The following CDH12 variants were observed in gnomAD, a reference collection of about 807,000 sequenced individuals.
CDH12 encodes cadherin 12.
In CDH12, 41 loss-of-function variants were observed where a neutral mutation model predicts 74.1. The ratio of observed to expected loss-of-function variants is 0.55; its 90% CI spans 0.43 to 0.72. The LOEUF is 0.72. CDH12 is among the 30% of genes least tolerant of loss of function. The probability of loss-of-function intolerance (pLI) is 0.00; values close to 1 mark genes in which losing one functional copy is unlikely to be tolerated. For synonymous variants in CDH12, 399 were observed against 355.0 expected, an observed-to-expected ratio of 1.12 and a Z score of -1.39; for missense variants, 945 against 977.2, an observed-to-expected ratio of 0.97 and a Z score of 0.44.
At chr5:22,529,752 G>A (rs1737503284) in intron 1 of CDH12, among the ~76,000 whole-genome samples, 2 of 152,154 alleles carry the variant, frequency 1.3e-5, no homozygotes, top group Non-Finnish European at 2.9e-5. Context: ...AGGCATTAGA[G>A]ACATTGGCTA....
chr5:22,042,640 C>A (rs1739648760), intron 5 of CDH12, among the ~76,000 whole-genome samples: 1 of 152,048 alleles, frequency 6.6e-6, no homozygotes, highest in Non-Finnish European at 1.5e-5. Context: ...AATTACAGCA[C>A]ATTGGGAGGC....
chr5:21,851,996 G>A (rs1750491278), intron 7 of CDH12, among the ~76,000 whole-genome samples: 1 of 151,282 alleles, frequency 6.6e-6, no homozygotes, highest in African/African-American at 2.4e-5. Flanking sequence ...GATAATATTA[G>A]TTTTTCATGC....
intron 4 of CDH12, among the ~76,000 whole-genome samples, chr5:22,204,528 T>C (rs1258064250): frequency 2.0e-5 from 3 of 152,220 alleles, no homozygotes; most frequent in African/African-American, 2.4e-5. Context: ...AAAAATACAA[T>C]GTAAAATTCA....
At chr5:21,921,303 T>C (rs1237615352) in intron 6 of CDH12, among the ~76,000 whole-genome samples, 1 of 152,194 alleles carries the variant, frequency 6.6e-6, no homozygotes, top group Non-Finnish European at 1.5e-5. Context: ...CTTATCTATA[T>C]ACTTGTCATA....
At chr5:21,956,238 A>C (rs1201068154) in intron 6 of CDH12, among the ~76,000 whole-genome samples, 2 of 151,836 alleles carry the variant, frequency 1.3e-5, no homozygotes, top group African/African-American at 4.8e-5. Context: ...GGTCAGTAGA[A>C]TTTTTTTTCA....
rs145604996 is a variant in CDH12 at position 22,301,450 on chromosome 5, A to T, written c.-332-88807T>A. ...AAAATGACTAAAGCACCACATGAGT[A>T]AAGTGTCATTTTTGAATCATCAGAA... On this transcript the variant is annotated intron_variant, in intron 3 of 14. Coordinates refer to ENST00000382254, the MANE Select transcript of CDH12 (RefSeq NM_004061.5). Among the ~76,000 whole-genome samples, 1,191 of 152,300 alleles carry T rather than the reference A, an allele frequency of 7.8e-3. 18 individuals carry two copies. The highest frequency in any genetic ancestry group is 0.027 in the African/African-American group (1,136 of 41,562).
chr5:21,991,742 C>T (rs537163890), intron 5 of CDH12, among the ~76,000 whole-genome samples: 1 of 151,250 alleles, frequency 6.6e-6, no homozygotes, highest in Non-Finnish European at 1.5e-5. Flanking sequence ...TCTTTTATTT[C>T]CTTTCCTCAT....
chr5:21,890,926 T>C lies in CDH12; in HGVS notation c.527-36136A>G, dbSNP rs544086400. Among the ~76,000 whole-genome samples, 8 of 152,182 alleles carry C rather than the reference T, an allele frequency of 5.3e-5. No individual in the cohort carries two copies. In the South Asian group the frequency reaches 1.0e-3, roughly 20 times the overall value. ...GAAGCAAGCTGAAAGGGAGAAAAAT[T>C]GGATTTTCTACAACTGGCATACAGG... On this transcript the variant is annotated intron_variant, in intron 6 of 14. Transcript: ENST00000382254.
chr5:22,283,846 T>C (rs1443163402), intron 3 of CDH12, among the ~76,000 whole-genome samples: 1 of 152,154 alleles, frequency 6.6e-6, no homozygotes, highest in Non-Finnish European at 1.5e-5. Context: ...TCACAATGTA[T>C]GTGTATATTA....
chr5:22,792,357 G>A (rs1747959732), intron 1 of CDH12, among the ~76,000 whole-genome samples: 1 of 152,112 alleles, frequency 6.6e-6, no homozygotes, highest in South Asian at 2.1e-4. Context: ...CCAAAGTGCT[G>A]GGACTGCAGG....
At chr5:22,535,188 G>T (rs1580742630) in intron 1 of CDH12, among the ~76,000 whole-genome samples, 1 of 99,322 alleles carries the variant, frequency 1.0e-5, no homozygotes, top group South Asian at 3.6e-4. Flanking sequence ...ACGGGGTCTT[G>T]CTGTCGCCCA....
At chr5:22,482,308 C>A (rs1746414323) in intron 2 of CDH12, among the ~76,000 whole-genome samples, 2 of 152,224 alleles carry the variant, frequency 1.3e-5, no homozygotes, top group African/African-American at 4.8e-5. Flanking sequence ...GCCACACAAT[C>A]AGGTCTATAA....
intron 1 of CDH12, among the ~76,000 whole-genome samples, chr5:22,548,635 G>A (rs995243435): frequency 1.3e-5 from 2 of 152,000 alleles, no homozygotes; most frequent in Admixed American, 6.6e-5. Context: ...GGGAGTCTCC[G>A]TGAGAATCGG....
chr5:22,047,446 T>A (rs1580166435), intron 5 of CDH12, among the ~76,000 whole-genome samples: 2 of 152,140 alleles, frequency 1.3e-5, no homozygotes, highest in African/African-American at 4.8e-5. Context: ...GAATTTAAAT[T>A]ATAAGCTCAT....
At chr5:21,772,482 A>C (rs757526975) in intron 11 of CDH12, among the ~76,000 whole-genome samples, 3 of 152,138 alleles carry the variant, frequency 2.0e-5, no homozygotes, top group Non-Finnish European at 4.4e-5. Context: ...ATTTCTGCCA[A>C]CGAAAATATC....
At chr5:22,461,703 C>T (rs552850531) in intron 2 of CDH12, among the ~76,000 whole-genome samples, 264 of 151,816 alleles carry the variant, frequency 1.7e-3, no homozygotes, top group African/African-American at 6.2e-3. Context: ...ACTTCATTTA[C>T]TTTGCCTCCA....
In CDH12 at chr5:21,975,116, A is replaced by G. The variant is rs1258598799; in HGVS notation, c.501T>C (p.Ala167=). 2 of 1,596,502 alleles carry G rather than the reference A, an allele frequency of 1.3e-6. No individual in the cohort carries two copies. Among genetic ancestry groups the G allele is most frequent in the East Asian group, 2.2e-5 (1 of 44,870 alleles). ...EPKFLDGPYV[A]TVPEMSPVGA... ...CCACAGGAGACATTTCTGGAACAGT[A>G]GCAACATAAGGTCCATCCAAAAACT... is the stretch of plus-strand genomic sequence containing the variant. Residue 167 remains alanine (A), a synonymous_variant, in exon 6 of 15, where the codon GCT becomes GCC. Coordinates refer to ENST00000382254, the MANE Select transcript of CDH12 (RefSeq NM_004061.5).
At chr5:21,962,040 A>C (rs2150110759) in intron 6 of CDH12, among the ~76,000 whole-genome samples, 1 of 152,196 alleles carries the variant, frequency 6.6e-6, no homozygotes, top group East Asian at 1.9e-4. Context: ...ATATTTTTCA[A>C]TATTTCATTT....
At chr5:22,808,143 C>T (rs1748914770) in intron 1 of CDH12, among the ~76,000 whole-genome samples, 1 of 152,146 alleles carries the variant, frequency 6.6e-6, no homozygotes, top group Non-Finnish European at 1.5e-5. Context: ...AGACTACATA[C>T]AATTCTTTAG....
Sources: gnomAD v4.1 joint callset for allele counts (sites outside exome capture counted in the v4.1 genomes callset) on GRCh38, gnomAD v4.1.1 for gene constraint, MANE v1.5 for transcripts, NCBI Gene and HGNC (gene_info 2026-07-23, HGNC 2026-07-21) for gene names.